STAB2: variants seen among roughly 807,000 people sequenced by gnomAD.
STAB2 encodes stabilin 2.
STAB2 carries 288 observed loss-of-function variants against 338.1 expected under a neutral mutation model. The observed-to-expected ratio is 0.85, with a 90% CI of 0.77 to 0.94. The LOEUF is 0.94. Among genes scored for constraint, STAB2 ranks in the 40% least tolerant of loss-of-function variants. STAB2 has a pLI of 0.00. For missense variants in STAB2, 3,141 were observed against 3,210.1 expected (o/e 0.98, Z 0.52); for synonymous variants, 1,202 against 1,193.3 (o/e 1.01, Z -0.15).
intron 3 of STAB2, among the ~76,000 whole-genome samples, chr12:103,607,922 A>T (rs1198283624): frequency 1.3e-5 from 2 of 152,160 alleles, no homozygotes; most frequent in Non-Finnish European, 2.9e-5. Context: ...TGGCTGGGTC[A>T]AATGGTATTT....
chr12:103,677,069 G>A (rs978287700), intron 24 of STAB2, among the ~76,000 whole-genome samples: 7 of 152,136 alleles, frequency 4.6e-5, no homozygotes, highest in Non-Finnish European at 1.0e-4. Context: ...AGTGGAGTTT[G>A]GGTTGCCACA....
intron 9 of STAB2, among the ~76,000 whole-genome samples, chr12:103,645,767 C>G (rs1166512093): frequency 1.3e-5 from 2 of 152,102 alleles, no homozygotes; most frequent in African/African-American, 4.8e-5. Context: ...CTCAGCTCTA[C>G]TGACATTTTT....
chr12:103,740,533 G>A, intron 54 of STAB2, 97 bp from the exon 55 acceptor site: 1 of 1,485,244 alleles, frequency 6.7e-7, no homozygotes, highest in Non-Finnish European at 8.9e-7. Context: ...TTTTTATTTG[G>A]GCAGTACCTA....
intron 22 of STAB2, among the ~76,000 whole-genome samples, chr12:103,671,791 T>C (rs1444300585): frequency 6.6e-6 from 1 of 152,192 alleles, no homozygotes; most frequent in African/African-American, 2.4e-5. Flanking sequence ...ACAATAGGCA[T>C]TGAAAAAAAT....
intron 25 of STAB2, among the ~76,000 whole-genome samples, chr12:103,680,648 C>T (rs1876815611): frequency 6.6e-6 from 1 of 152,200 alleles, no homozygotes; most frequent in African/African-American, 2.4e-5. Flanking sequence ...CCCTTGTGCA[C>T]AATTACAGAA....
chr12:103,753,150 A>G, intron 60 of STAB2, 70 bp from the exon 61 acceptor site: 5 of 1,585,490 alleles, frequency 3.2e-6, no homozygotes, highest in African/African-American at 1.3e-5. Context: ...AAAGTCCTTC[A>G]GAGTCCATTG....
At chr12:103,659,594 G>A (rs1271713352) in intron 15 of STAB2, among the ~76,000 whole-genome samples, 1 of 152,214 alleles carries the variant, frequency 6.6e-6, no homozygotes, top group African/African-American at 2.4e-5. Flanking sequence ...GCAGACCACT[G>A]TGGTCACTGC....
chr12:103,675,852 C>A (rs147984423), intron 23 of STAB2, 76 bp from the exon 24 acceptor site: 1 of 1,192,646 alleles, frequency 8.4e-7, no homozygotes, highest in Non-Finnish European at 1.2e-6. Flanking sequence ...GGAACTGGCT[C>A]ATCTCTAGCT....
intron 54 of STAB2, among the ~76,000 whole-genome samples, chr12:103,739,732 G>A (rs1882435074): frequency 6.6e-6 from 1 of 152,188 alleles, no homozygotes; most frequent in Admixed American, 6.5e-5. Flanking sequence ...GGACTTAGAA[G>A]ATAATTATGA....
Position 103,703,252 on chromosome 12 carries a change from T to G in STAB2, c.3819T>G (p.Asp1273Glu). Reference protein sequence around the residue: ...KVLEIQKNRCDNNDTTIIRGR... With the variant: ...KVLEIQKNRCENNDTTIIRGR... ...TGGAAATTCAGAAGAACAGATGTGA[T>G]AATAATGACACTACTATTATACGAG... Residue 1273 changes from aspartate to glutamate, a missense_variant, in exon 35 of 69, where the codon GAT becomes GAG. Asp to Glu is a conservative substitution (Grantham distance 45, BLOSUM62 2). Coordinates refer to ENST00000388887, the MANE Select transcript of STAB2 (RefSeq NM_017564.10). 1 of 1,613,676 alleles carries G rather than the reference T, an allele frequency of 6.2e-7. No homozygotes were observed. The highest frequency in any genetic ancestry group is 8.5e-7 in the Non-Finnish European group (1 of 1,180,030).
intron 52 of STAB2, 111 bp downstream of exon 52, chr12:103,735,691 G>C: frequency 1.1e-6 from 1 of 937,814 alleles, no homozygotes; most frequent in Non-Finnish European, 1.5e-6. Context: ...TCCATTCATA[G>C]CGGGCTCATT....
chr12:103,744,461 CTTTTTTT>C (rs3035275), intron 56 of STAB2, among the ~76,000 whole-genome samples: 22,541 of 122,434 alleles, frequency 0.18, 2,199 homozygotes, highest in Middle Eastern at 0.24. Context: ...CACAATTTTA[CTTTTTTT>C]TTTTTTTTTT....
At position 103,755,446 on chromosome 12, in the gene STAB2, G is replaced by A; in HGVS notation, c.6859G>A (p.Val2287Ile). The change falls in exon 62 of 69, where the codon GTC becomes ATC. Residue 2287 changes from valine (V) to isoleucine (I), a missense_variant. Transcript: ENST00000388887. Reference protein sequence around the residue: ...PRPNKSEMWDVFCYRMKDVNC... With the variant: ...PRPNKSEMWDIFCYRMKDVNC... ...ACCCAACAAGAGTGAAATGTGGGAT[G>A]TCTTCTGCTATCGGATGAAAGGTAA... 1.9e-6 allele frequency: 3 copies of A among 1,614,136 alleles called. No homozygotes were observed. Among genetic ancestry groups the A allele is most frequent in the Non-Finnish European group, 1.7e-6 (2 of 1,179,998 alleles).
intron 57 of STAB2, 154 bp from the exon 58 acceptor site, chr12:103,746,443 A>C: frequency 1.5e-6 from 1 of 659,602 alleles, no homozygotes. Context: ...CTCCAAGGCT[A>C]GAAAAGACCT....
intron 63 of STAB2, 97 bp downstream of exon 63, chr12:103,755,815 C>T: frequency 8.8e-7 from 1 of 1,131,240 alleles, no homozygotes; most frequent in African/African-American, 1.5e-5. Flanking sequence ...GCCACAGTCA[C>T]AGTTAAGAGC....
intron 68 of STAB2, among the ~76,000 whole-genome samples, chr12:103,765,373 G>A (rs1884863607): frequency 6.6e-6 from 1 of 152,144 alleles, no homozygotes; most frequent in African/African-American, 2.4e-5. Flanking sequence ...AGAATCCTAA[G>A]CATAAGGTAC....
At chr12:103,715,953 G>A in intron 43 of STAB2, 65 bp downstream of exon 43, 1 of 1,546,314 alleles carries the variant, frequency 6.5e-7, no homozygotes, top group Non-Finnish European at 8.9e-7. Context: ...TTTAGACACA[G>A]GCCTGAGAGA....
At chr12:103,607,282 A>G (rs184312252) in intron 3 of STAB2, among the ~76,000 whole-genome samples, 3 of 151,992 alleles carry the variant, frequency 2.0e-5, no homozygotes, top group African/African-American at 7.2e-5. Context: ...CCAGTTATAC[A>G]TATATTAAAA....
Position 103,743,392 on chromosome 12 carries a change from C to T in STAB2, c.6031+838C>T, listed in dbSNP as rs572784549. Among the ~76,000 whole-genome samples the T allele has an allele frequency of 2.0e-5, 3 of 152,114 alleles. No individual in the cohort carries two copies. The South Asian group carries it at 6.3e-4, about 32-fold the overall frequency. On this transcript the variant is annotated intron_variant, in intron 56 of 68. Coordinates refer to ENST00000388887, the MANE Select transcript of STAB2 (RefSeq NM_017564.10). ...GGACAAAATTCCAGCTCTCAAAAGG[C>T]TTACAGACACAAATTTTTCTAAAAA...
Sources: allele counts gnomAD v4.1 joint callset (sites outside exome capture counted in the v4.1 genomes callset), GRCh38; gene constraint gnomAD v4.1.1; transcripts MANE v1.5; gene names NCBI Gene and HGNC (gene_info 2026-07-23, HGNC 2026-07-21).